Variants in ASTN2 observed in about 807,000 individuals in gnomAD.
ASTN2 encodes the protein astrotactin-2.
A neutral mutation model predicts 139.8 loss-of-function variants in ASTN2; 54 were observed. The ratio of observed to expected loss-of-function variants is 0.39; its 90% confidence interval spans 0.31 to 0.48. The LOEUF is 0.48. Among genes scored for constraint, ASTN2 ranks in the 20% least tolerant of loss-of-function variants. ASTN2 has a pLI of 0.95. For missense variants in ASTN2, 1,565 were observed against 1,725.1 expected (o/e 0.91, Z 1.64); for synonymous variants, 756 against 719.5 (o/e 1.05, Z -0.81).
At chr9:116,892,670 T>C (rs985433647) in intron 10 of ASTN2, among the ~76,000 whole-genome samples, 3 of 151,964 alleles carry the variant, frequency 2.0e-5, no homozygotes, top group Non-Finnish European at 4.4e-5. Flanking sequence ...GAAAAACAAA[T>C]CCATTAATCC....
At chr9:116,865,689 G>A (rs1267218639) in intron 10 of ASTN2, among the ~76,000 whole-genome samples, 1 of 152,096 alleles carries the variant, frequency 6.6e-6, no homozygotes, top group African/African-American at 2.4e-5. Context: ...TGAAGGCAAT[G>A]CCTAGTCACT....
intron 1 of ASTN2, among the ~76,000 whole-genome samples, chr9:117,347,775 A>G (rs1271977965): frequency 6.6e-6 from 1 of 152,204 alleles, no homozygotes; most frequent in Non-Finnish European, 1.5e-5. Context: ...CTAAAGAGGA[A>G]CAAAAAGACA....
At chr9:116,555,952 C>T (rs557657240) in intron 19 of ASTN2, among the ~76,000 whole-genome samples, 1 of 152,278 alleles carries the variant, frequency 6.6e-6, no homozygotes, top group African/African-American at 2.4e-5. Context: ...ATCATCAACT[C>T]ACAGCATGGC....
chr9:116,650,703 A>G (rs1282310246), intron 17 of ASTN2, among the ~76,000 whole-genome samples: 1 of 152,196 alleles, frequency 6.6e-6, no homozygotes, highest in Non-Finnish European at 1.5e-5. Flanking sequence ...GCACACAGCT[A>G]AAATCCATTT....
rs554213880 is a variant in ASTN2, at chr9:116,682,096, A to G, written c.2807-30303T>C. ...CATCAGAGTGAACAGGCAACCTACAAAATGGGAGAAAATTTTCGCAACCTA... is the reference window on the plus strand; with the variant it reads ...CATCAGAGTGAACAGGCAACCTACAGAATGGGAGAAAATTTTCGCAACCTA... On this transcript the variant is annotated intron_variant, in intron 16 of 22. Transcript: ENST00000313400. 9.2e-5 allele frequency among the ~76,000 whole-genome samples: 14 copies of G among 151,814 alleles called. No individual in the cohort carries two copies. In the East Asian group the frequency reaches 2.3e-3, roughly 25 times the overall value.
intron 13 of ASTN2, among the ~76,000 whole-genome samples, chr9:116,771,613 G>A (rs574475364): frequency 6.6e-6 from 1 of 152,308 alleles, no homozygotes; most frequent in African/African-American, 2.4e-5. Flanking sequence ...ATTCATCTCA[G>A]TGTGTACTGT....
intron 4 of ASTN2, among the ~76,000 whole-genome samples, chr9:117,135,570 G>T (rs890136392): frequency 6.6e-6 from 1 of 152,172 alleles, no homozygotes; most frequent in African/African-American, 2.4e-5. Flanking sequence ...TCTACAGACA[G>T]ACATAAATCA....
chr9:117,256,992 A>G (rs566157756), intron 2 of ASTN2, among the ~76,000 whole-genome samples: 51 of 152,286 alleles, frequency 3.3e-4, no homozygotes, highest in African/African-American at 1.2e-3. Context: ...GAGACAGAAG[A>G]AGACTTGGAA....
intron 19 of ASTN2, among the ~76,000 whole-genome samples, chr9:116,596,925 A>T (rs1168964914): frequency 1.3e-5 from 2 of 152,156 alleles, no homozygotes; most frequent in African/African-American, 4.8e-5. Flanking sequence ...TGAAGTAACA[A>T]GCTTGGTGTG....
intron 3 of ASTN2, among the ~76,000 whole-genome samples, chr9:117,176,407 T>C (rs1830917634): frequency 6.6e-6 from 1 of 152,228 alleles, no homozygotes; most frequent in African/African-American, 2.4e-5. Context: ...TAGCTATGTG[T>C]AATTTAACAT....
chr9:117,007,540 G>T (rs756851527), intron 7 of ASTN2, among the ~76,000 whole-genome samples: 1 of 152,186 alleles, frequency 6.6e-6, no homozygotes, highest in Non-Finnish European at 1.5e-5. Flanking sequence ...TGCATGTTTA[G>T]TGTCTACCCC....
At chr9:116,964,315 A>C (rs1835955938) in intron 10 of ASTN2, among the ~76,000 whole-genome samples, 1 of 151,794 alleles carries the variant, frequency 6.6e-6, no homozygotes, top group African/African-American at 2.4e-5. Flanking sequence ...GCAGAGTAAG[A>C]TACGCTAAGG....
At chr9:116,558,391 G>T (rs1028577387) in intron 19 of ASTN2, among the ~76,000 whole-genome samples, 5 of 150,890 alleles carry the variant, frequency 3.3e-5, no homozygotes, top group African/African-American at 9.7e-5. Context: ...GCACTGAAGA[G>T]AAAAAGAAAA....
chr9:117,023,997 G>A (rs1250990103), intron 6 of ASTN2, among the ~76,000 whole-genome samples: 1 of 152,108 alleles, frequency 6.6e-6, no homozygotes, highest in African/African-American at 2.4e-5. Context: ...GATGGGACTG[G>A]GCGCTACTGA....
chr9:116,767,085 T>C (rs544539019), intron 13 of ASTN2, among the ~76,000 whole-genome samples: 13 of 151,914 alleles, frequency 8.6e-5, no homozygotes, highest in African/African-American at 2.9e-4. Context: ...CATAAACACA[T>C]ACATTCATGC....
At chr9:117,210,174 C>A (rs1458029872) in intron 3 of ASTN2, among the ~76,000 whole-genome samples, 2 of 151,610 alleles carry the variant, frequency 1.3e-5, no homozygotes, top group Non-Finnish European at 2.9e-5. Flanking sequence ...AAATCAAACC[C>A]CAAATTAGTA....
chr9:117,271,024 G>A (rs781254295), intron 2 of ASTN2, among the ~76,000 whole-genome samples: 1 of 152,194 alleles, frequency 6.6e-6, no homozygotes, highest in Non-Finnish European at 1.5e-5. Flanking sequence ...TCAGGAAGAT[G>A]AGAAAATGTT....
At chr9:116,663,853 T>C (rs1247736376) in intron 16 of ASTN2, among the ~76,000 whole-genome samples, 2 of 152,186 alleles carry the variant, frequency 1.3e-5, no homozygotes, top group Non-Finnish European at 2.9e-5. Context: ...GATGAGTAAA[T>C]GGAAGCTCAT....
At chr9:116,664,550 T>C (rs1053625846) in intron 16 of ASTN2, among the ~76,000 whole-genome samples, 11 of 151,358 alleles carry the variant, frequency 7.3e-5, no homozygotes, top group African/African-American at 2.7e-4. Context: ...GGGATAAGAA[T>C]AGAAGCCAGA....
Sources: gnomAD v4.1 joint callset for allele counts (sites outside exome capture counted in the v4.1 genomes callset) on GRCh38, gnomAD v4.1.1 for gene constraint, MANE v1.5 for transcripts, NCBI Gene and HGNC (gene_info 2026-07-23, HGNC 2026-07-21) for gene names.